ASTN2: variants seen among roughly 807,000 people sequenced by gnomAD.
ASTN2 encodes astrotactin-2.
A neutral mutation model predicts 139.8 loss-of-function variants in ASTN2; 54 were observed. The ratio of observed to expected loss-of-function variants is 0.39; its 90% CI spans 0.31 to 0.48. ASTN2 has a LOEUF of 0.48. ASTN2 is among the 20% of genes least tolerant of loss of function. The pLI is 0.95. For synonymous variants in ASTN2, 756 were observed against 719.5 expected (o/e 1.05, Z -0.81); for missense variants, 1,565 against 1,725.1 (o/e 0.91, Z 1.64).
intron 5 of ASTN2, among the ~76,000 whole-genome samples, chr9:117,074,016 T>C (rs969670383): frequency 6.6e-6 from 1 of 152,094 alleles, no homozygotes. Flanking sequence ...GCCCAGGCGA[T>C]GGCCATTATT....
At chr9:116,608,673 T>C (rs961269005) in intron 19 of ASTN2, among the ~76,000 whole-genome samples, 8 of 152,078 alleles carry the variant, frequency 5.3e-5, no homozygotes, top group Admixed American at 6.5e-5. Flanking sequence ...TTTTTAGTAA[T>C]ACAAAATATC....
At chr9:117,219,924 G>A (rs1158647093) in intron 2 of ASTN2, among the ~76,000 whole-genome samples, 1 of 152,174 alleles carries the variant, frequency 6.6e-6, no homozygotes, top group Non-Finnish European at 1.5e-5. Flanking sequence ...GGTGCCTGGG[G>A]GCATACAGGC....
intron 2 of ASTN2, among the ~76,000 whole-genome samples, chr9:117,219,355 C>G (rs1293441777): frequency 6.6e-6 from 1 of 152,028 alleles, no homozygotes; most frequent in Non-Finnish European, 1.5e-5. Context: ...CAGGAGCAAA[C>G]ACAGGCCCAA....
intron 10 of ASTN2, among the ~76,000 whole-genome samples, chr9:116,927,695 G>A (rs1038359522): frequency 6.6e-6 from 1 of 152,170 alleles, no homozygotes; most frequent in South Asian, 2.1e-4. Flanking sequence ...TCATGTGCCT[G>A]AGCGCCAGCT....
intron 13 of ASTN2, among the ~76,000 whole-genome samples, chr9:116,772,469 T>G (rs2132187646): frequency 6.6e-6 from 1 of 152,304 alleles, no homozygotes; most frequent in South Asian, 2.1e-4. Context: ...TCTTTTTCTG[T>G]ATAAATTACC....
chr9:117,016,638 A>AGGT (rs1564385953), intron 6 of ASTN2, among the ~76,000 whole-genome samples: 7,402 of 33,170 alleles, frequency 0.22, 1,380 homozygotes, highest in Middle Eastern at 0.43. Flanking sequence ...ATATATATAT[A>AGGT]TATATATATA....
chr9:116,720,241 A>G (rs1252252778), intron 16 of ASTN2, among the ~76,000 whole-genome samples: 1 of 152,236 alleles, frequency 6.6e-6, no homozygotes, highest in African/African-American at 2.4e-5. Flanking sequence ...ATGGAAGTGC[A>G]GAAATGCAAT....
At chr9:116,650,973 T>C (rs1052270075) in intron 17 of ASTN2, among the ~76,000 whole-genome samples, 2 of 151,188 alleles carry the variant, frequency 1.3e-5, no homozygotes, top group Non-Finnish European at 2.9e-5. Flanking sequence ...TGGAGTACAA[T>C]GGCACGATCT....
chr9:117,045,618 T>G (rs1196896073), intron 5 of ASTN2, among the ~76,000 whole-genome samples: 3 of 152,214 alleles, frequency 2.0e-5, no homozygotes, highest in Admixed American at 1.3e-4. Context: ...AATTTGGGGT[T>G]TGATTGATTC....
chr9:117,156,685 C>G (rs533858151), intron 3 of ASTN2, among the ~76,000 whole-genome samples: 1 of 151,976 alleles, frequency 6.6e-6, no homozygotes, highest in East Asian at 1.9e-4. Context: ...AGTGACATCA[C>G]TTTGCAAAAA....
chr9:117,310,251 T>C (rs1827932336), intron 1 of ASTN2, among the ~76,000 whole-genome samples: 1 of 152,160 alleles, frequency 6.6e-6, no homozygotes, highest in African/African-American at 2.4e-5. Context: ...GGTTTGCTAA[T>C]CCTATAGCCC....
chr9:116,596,725 G>T (rs1854595738), intron 19 of ASTN2, among the ~76,000 whole-genome samples: 1 of 152,164 alleles, frequency 6.6e-6, no homozygotes, highest in African/African-American at 2.4e-5. Context: ...GTAATACTGA[G>T]GGATGTGATA....
intron 16 of ASTN2, among the ~76,000 whole-genome samples, chr9:116,725,555 G>T (rs1461545919): frequency 1.3e-5 from 2 of 152,086 alleles, no homozygotes; most frequent in African/African-American, 4.8e-5. Context: ...CTCAGAAAAT[G>T]CCTGACTTGA....
At position 117,043,862 on chromosome 9, in the gene ASTN2, C is replaced by T. The variant is rs577005737; in HGVS notation, c.1277-3897G>A. Among the ~76,000 whole-genome samples the T allele has an allele frequency of 1.1e-4, 16 of 147,194 alleles. No homozygotes were observed. In the South Asian group the frequency reaches 2.6e-3, roughly 24 times the overall value. On this transcript the variant is annotated intron_variant, in intron 5 of 22. Transcript: ENST00000313400. ...GGTGGAGGTTGCAATGAGCTGAGAT[C>T]GCACCATTGCACTCCAGCTTGGGCC...
chr9:116,505,007 C>T (rs972823812), intron 19 of ASTN2, among the ~76,000 whole-genome samples: 1 of 151,854 alleles, frequency 6.6e-6, no homozygotes, highest in Non-Finnish European at 1.5e-5. Context: ...ACTAACTTGC[C>T]TAAGGTCACT....
chr9:117,287,253 G>A (rs896289276), intron 2 of ASTN2, among the ~76,000 whole-genome samples: 4 of 152,104 alleles, frequency 2.6e-5, no homozygotes, highest in Non-Finnish European at 4.4e-5. Flanking sequence ...AAATGATGAA[G>A]GTAACTTGGC....
intron 7 of ASTN2, among the ~76,000 whole-genome samples, chr9:116,997,539 G>GAATTCTATACA (rs1837060760): frequency 6.6e-6 from 1 of 151,934 alleles, no homozygotes; most frequent in Non-Finnish European, 1.5e-5. Flanking sequence ...CTGCCTCTGA[G>GAATTCTATACA]AATTCTATAC....
At chr9:117,169,563 T>C (rs569866575) in intron 3 of ASTN2, among the ~76,000 whole-genome samples, 49 of 152,288 alleles carry the variant, frequency 3.2e-4, no homozygotes, top group African/African-American at 1.1e-3. Flanking sequence ...CAGCCCATTC[T>C]GTTCCCCCAA....
intron 2 of ASTN2, among the ~76,000 whole-genome samples, chr9:117,230,604 G>A (rs1298182141): frequency 2.6e-5 from 4 of 152,242 alleles, no homozygotes; most frequent in African/African-American, 4.8e-5. Flanking sequence ...ATTAAACCCC[G>A]TACACTGAGG....
Sources: gnomAD v4.1 joint callset for allele counts (sites outside exome capture counted in the v4.1 genomes callset) on GRCh38, gnomAD v4.1.1 for gene constraint, MANE v1.5 for transcripts, NCBI Gene and HGNC (gene_info 2026-07-23, HGNC 2026-07-21) for gene names.